RUNX2: variants seen among roughly 807,000 people sequenced by gnomAD.
RUNX2 encodes the protein RUNX family transcription factor 2, also known as runt-related transcription factor 2.
RUNX2 carries 10 observed loss-of-function variants against 51.7 expected under a neutral mutation model. That is an observed-to-expected ratio of 0.19 (90% confidence interval 0.12 to 0.33). RUNX2 has a LOEUF of 0.33. Ranked by LOEUF, RUNX2 falls within the 10% of genes least tolerant of loss-of-function variation. The probability of loss-of-function intolerance (pLI) is 1.00; values close to 1 mark genes in which losing one functional copy is unlikely to be tolerated. For missense variants in RUNX2, 562 were observed against 691.3 expected, an observed-to-expected ratio of 0.81 and a Z score of 2.10; for synonymous variants, 276 against 273.6, an observed-to-expected ratio of 1.01 and a Z score of -0.09.
chr6:45,334,533 T>C (rs1788164541), intron 2 of RUNX2, among the ~76,000 whole-genome samples: 1 of 150,146 alleles, frequency 6.7e-6, no homozygotes, highest in African/African-American at 2.4e-5. Context: ...TACATATATA[T>C]GCAGTCTTTC....
chr6:45,432,095 A>G (rs1798558359), intron 4 of RUNX2, 76 bp downstream of exon 4: 2 of 1,358,316 alleles, frequency 1.5e-6, no homozygotes, highest in Admixed American at 1.9e-5. Context: ...ACTAGTCTGT[A>G]TACAAATCAG....
chr6:45,388,289 GA>G (rs1797397434), intron 2 of RUNX2, among the ~76,000 whole-genome samples: 2 of 152,186 alleles, frequency 1.3e-5, no homozygotes, highest in South Asian at 4.1e-4. Flanking sequence ...CTATTTTGCT[GA>G]AAAAGTGAGG....
intron 5 of RUNX2, among the ~76,000 whole-genome samples, chr6:45,475,490 T>C (rs1343786344): frequency 6.6e-6 from 1 of 152,232 alleles, no homozygotes; most frequent in African/African-American, 2.4e-5. Context: ...CATGGAGATA[T>C]AATATCACAT....
At chr6:45,518,350 C>A (rs1801395443) in intron 7 of RUNX2, among the ~76,000 whole-genome samples, 1 of 152,080 alleles carries the variant, frequency 6.6e-6, no homozygotes, top group Non-Finnish European at 1.5e-5. Flanking sequence ...GGATGGATTA[C>A]TTTTGCATTC....
At chr6:45,528,435 A>G (rs1049596264) in intron 7 of RUNX2, among the ~76,000 whole-genome samples, 1 of 152,168 alleles carries the variant, frequency 6.6e-6, no homozygotes, top group Non-Finnish European at 1.5e-5. Context: ...AGCCTGGCCA[A>G]CACAGTGAAA....
chr6:45,499,728 T>C (rs1800746163), intron 6 of RUNX2, among the ~76,000 whole-genome samples: 1 of 152,206 alleles, frequency 6.6e-6, no homozygotes, highest in Admixed American at 6.5e-5. Flanking sequence ...AGATGCATAG[T>C]TAACACTTAG....
chr6:45,375,576 C>T (rs1307065553), intron 2 of RUNX2, among the ~76,000 whole-genome samples: 2 of 150,154 alleles, frequency 1.3e-5, no homozygotes, highest in Non-Finnish European at 3.0e-5. Context: ...GACAAGGTCT[C>T]CCTCTGCAGC....
chr6:45,536,614 C>T lies in RUNX2; in HGVS notation c.1022-8603C>T, dbSNP rs539310443. Among the ~76,000 whole-genome samples, 6 of 152,308 alleles carry T rather than the reference C, an allele frequency of 3.9e-5. No individual in the cohort carries two copies. In the South Asian group the frequency reaches 6.2e-4, roughly 16 times the overall value. On this transcript the variant is annotated intron_variant, in intron 7 of 8. Coordinates refer to ENST00000647337, the MANE Select transcript of RUNX2 (RefSeq NM_001024630.4). ...CCAGCTTGTCAGGTTTTGTGTGATT[C>T]GGCCTTGAAAACAGCCGCTGCCTGC...
intron 2 of RUNX2, among the ~76,000 whole-genome samples, chr6:45,407,677 T>C (rs2150355266): frequency 6.6e-6 from 1 of 152,050 alleles, no homozygotes; most frequent in East Asian, 1.9e-4. Context: ...TTTTTGACTT[T>C]TTGTAGAGAC....
chr6:45,411,570 T>C (rs2150356846), intron 2 of RUNX2, among the ~76,000 whole-genome samples: 1 of 152,344 alleles, frequency 6.6e-6, no homozygotes, highest in Admixed American at 6.5e-5. Context: ...TTATGCATCA[T>C]ACTTCTGGTA....
At chr6:45,512,113 T>C in intron 6 of RUNX2, 133 bp from the exon 7 acceptor site, 1 of 723,558 alleles carries the variant, frequency 1.4e-6, no homozygotes, top group African/African-American at 1.8e-5. Flanking sequence ...CCATTCCTTA[T>C]ATATTATATA....
chr6:45,355,399 A>G (rs1792964780), intron 2 of RUNX2, among the ~76,000 whole-genome samples: 1 of 150,574 alleles, frequency 6.6e-6, no homozygotes, highest in Non-Finnish European at 1.5e-5. Flanking sequence ...TTCATTTATT[A>G]TAGAATAAAA....
At chr6:45,364,354 G>A (rs564731511) in intron 2 of RUNX2, among the ~76,000 whole-genome samples, 1 of 152,222 alleles carries the variant, frequency 6.6e-6, no homozygotes, top group African/African-American at 2.4e-5. Flanking sequence ...ACATAGTGAC[G>A]TTAATTCAAC....
At chr6:45,478,872 CT>C (rs1044908221) in intron 5 of RUNX2, among the ~76,000 whole-genome samples, 40 of 151,572 alleles carry the variant, frequency 2.6e-4, no homozygotes, top group Non-Finnish European at 5.0e-4. Context: ...ATAGGACAGA[CT>C]TTTTTTTTCT....
chr6:45,385,342 G>A (rs1268446425), intron 2 of RUNX2, among the ~76,000 whole-genome samples: 1 of 152,136 alleles, frequency 6.6e-6, no homozygotes, highest in Non-Finnish European at 1.5e-5. Flanking sequence ...TATTTCTGGG[G>A]AGCTGATGTT....
At chr6:45,543,712 G>A (rs1405691850) in intron 7 of RUNX2, among the ~76,000 whole-genome samples, 1 of 152,072 alleles carries the variant, frequency 6.6e-6, no homozygotes, top group Non-Finnish European at 1.5e-5. Context: ...ACACAAGGAT[G>A]ACTAGTTTAG....
intron 5 of RUNX2, among the ~76,000 whole-genome samples, chr6:45,463,691 T>C (rs1357639798): frequency 6.6e-6 from 1 of 152,222 alleles, no homozygotes; most frequent in East Asian, 1.9e-4. Flanking sequence ...TCAGTTTACT[T>C]TTCCCTGGAA....
At chr6:45,389,623 G>C (rs1021333311) in intron 2 of RUNX2, among the ~76,000 whole-genome samples, 5 of 152,200 alleles carry the variant, frequency 3.3e-5, no homozygotes, top group Admixed American at 6.5e-5. Flanking sequence ...TAGAGATACA[G>C]ATCCAAGACA....
chr6:45,509,168 C>A (rs937338553), intron 6 of RUNX2, among the ~76,000 whole-genome samples: 4 of 152,198 alleles, frequency 2.6e-5, no homozygotes, highest in Non-Finnish European at 5.9e-5. Flanking sequence ...TTGAGAAACA[C>A]AGCCCAGGTC....
Sources: allele counts gnomAD v4.1 joint callset (sites outside exome capture counted in the v4.1 genomes callset), GRCh38; gene constraint gnomAD v4.1.1; transcripts MANE v1.5; gene names NCBI Gene and HGNC (gene_info 2026-07-23, HGNC 2026-07-21).